OR10G4: variants seen among roughly 807,000 people sequenced by gnomAD.
OR10G4 encodes olfactory receptor 10G4.
For synonymous variants in OR10G4, 130 were observed against 159.3 expected (o/e 0.82, Z 1.39); for missense variants, 318 against 388.8 (o/e 0.82, Z 1.53).
intron 1 of OR10G4, 108 bp from the exon 2 acceptor site, chr11:124,015,440 G>C: frequency 3.7e-6 from 4 of 1,073,364 alleles, no homozygotes; most frequent in Non-Finnish European, 5.4e-6. Flanking sequence ...CAAGCGAAGT[G>C]CAGGATAACT....
In OR10G4 at chr11:124,016,379, G is replaced by A. The variant is rs866856303; in HGVS notation, c.805G>A (p.Gly269Arg). The change falls in exon 2 of 2, where the codon GGA (glycine) becomes AGA (arginine). Residue 269 changes from glycine to arginine, a missense_variant. By Grantham distance (125) the Gly-to-Arg change is moderately radical (BLOSUM62 -2). Coordinates refer to ENST00000641722, the MANE Select transcript of OR10G4 (RefSeq NM_001004462.2). ...GCCAGGCTCCATGGATGCCATGGAT[G>A]GAGTTGTGGCCATTTTCTACACTGT... ...LRPGSMDAMD[G>R]VVAIFYTVLT... The A allele has an allele frequency of 6.2e-7, 1 of 1,614,188 alleles. No individual in the cohort carries two copies. The highest frequency in any genetic ancestry group is 1.7e-5 in the Admixed American group (1 of 60,022).
rs1271429396 is a variant in OR10G4 at position 124,015,532 on chromosome 11, C to A, written c.-27-16C>A. ...TCAATTAAGTGCTAAATGCTGGGTGCTCTTTATATCCCCAGAGGGAGAGAG... is the reference window on the plus strand; with the variant it reads ...TCAATTAAGTGCTAAATGCTGGGTGATCTTTATATCCCCAGAGGGAGAGAG... On this transcript the variant is annotated splice_polypyrimidine_tract_variant and intron_variant, in intron 1 of 1. Transcript: ENST00000641722. 3 of 1,587,526 alleles carry A rather than the reference C, an allele frequency of 1.9e-6. No individual in the cohort carries two copies. The highest frequency in any genetic ancestry group is 1.7e-5 in the Admixed American group (1 of 58,052).
rs1863984923 is a variant in OR10G4, at chr11:124,013,022, A to G, written c.-118A>G. The G allele has an allele frequency of 1.3e-5, 2 of 152,206 alleles. No homozygotes were observed. Among genetic ancestry groups the G allele is most frequent in the Admixed American group, 6.5e-5 (1 of 15,276 alleles). 9.4% of individuals were successfully genotyped at this position (152,206 alleles called of 1,614,324 possible). A position where few individuals can be genotyped will look rare whatever the true frequency, so the allele number is the denominator to read the frequency against. ...CCGGTTGTTTGAGTGATATCTTGCAAACTAGTGCCTATACGTAGTGGGTAG... is the reference window on the plus strand; with the variant it reads ...CCGGTTGTTTGAGTGATATCTTGCAGACTAGTGCCTATACGTAGTGGGTAG... On this transcript the variant is annotated 5_prime_UTR_variant, in exon 1 of 2. Transcript: ENST00000641722.
chr11:124,014,151 G>A (rs1010587018), intron 1 of OR10G4, among the ~76,000 whole-genome samples: 4 of 152,072 alleles, frequency 2.6e-5, no homozygotes, highest in Non-Finnish European at 5.9e-5. Context: ...GGAGGTGGGA[G>A]GTTGTAGGAA....
intron 1 of OR10G4, chr11:124,015,285 A>T: frequency 2.1e-6 from 1 of 477,676 alleles, no homozygotes; most frequent in East Asian, 3.5e-5. Flanking sequence ...AGTTTGTGTT[A>T]TTTTTTAATA....
At chr11:124,014,762 A>G (rs1864000479) in intron 1 of OR10G4, among the ~76,000 whole-genome samples, 1 of 152,168 alleles carries the variant, frequency 6.6e-6, no homozygotes, top group Non-Finnish European at 1.5e-5. Context: ...AAGTTTTCCC[A>G]TGAACTCTGC....
Position 124,017,342 on chromosome 11 carries a change from G to A in OR10G4, c.*832G>A, listed in dbSNP as rs1410703372. 1 of 152,102 alleles carries A rather than the reference G, an allele frequency of 6.6e-6. No homozygotes were observed. Among genetic ancestry groups the A allele is most frequent in the Non-Finnish European group, 1.5e-5 (1 of 68,010 alleles). 9.4% of individuals were successfully genotyped at this position (152,102 alleles called of 1,614,324 possible). ...AAAAATTAAATCTCTTAAATATCTA[G>A]ATTACTTGGGGCTGTTTTGTCTCCT... On this transcript the variant is annotated 3_prime_UTR_variant, in exon 2 of 2. Coordinates refer to ENST00000641722, the MANE Select transcript of OR10G4 (RefSeq NM_001004462.2).
intron 1 of OR10G4, among the ~76,000 whole-genome samples, chr11:124,014,293 A>G (rs1187896502): frequency 6.6e-6 from 1 of 152,218 alleles, no homozygotes; most frequent in Non-Finnish European, 1.5e-5. Context: ...CATAGCTCTT[A>G]GATTAAGGAC....
intron 1 of OR10G4, among the ~76,000 whole-genome samples, chr11:124,014,019 A>G (rs1275433838): frequency 6.6e-6 from 1 of 152,076 alleles, no homozygotes; most frequent in African/African-American, 2.4e-5. Flanking sequence ...GCCCCTATCT[A>G]GTAGATTGTA....
At position 124,018,462 on chromosome 11, in the gene OR10G4, C is replaced by G. The variant is rs935604883; in HGVS notation, c.*1952C>G. ...TGAGAACATGTGGTGTTGGTTTTCTCTTCTTGTGTTACTTTGCTGGAAGAT... is the reference window on the plus strand; with the variant it reads ...TGAGAACATGTGGTGTTGGTTTTCTGTTCTTGTGTTACTTTGCTGGAAGAT... On this transcript the variant is annotated 3_prime_UTR_variant, in exon 2 of 2. Coordinates refer to ENST00000641722, the MANE Select transcript of OR10G4 (RefSeq NM_001004462.2). 6 of 147,948 alleles carry G rather than the reference C, an allele frequency of 4.1e-5. No homozygotes were observed. Among genetic ancestry groups the G allele is most frequent in the Non-Finnish European group, 8.9e-5 (6 of 67,638 alleles). The allele number at this position is 147,948 out of a possible 1,614,324, so 9.2% of individuals were successfully genotyped here.
rs2137555395 is a variant in OR10G4, at chr11:124,018,006, A to G, written c.*1496A>G. 1 of 152,296 alleles carries G rather than the reference A, an allele frequency of 6.6e-6. No individual in the cohort carries two copies. The highest frequency in any genetic ancestry group is 1.9e-4 in the East Asian group (1 of 5,182). 9.4% of individuals were successfully genotyped at this position (152,296 alleles called of 1,614,324 possible). On this transcript the variant is annotated 3_prime_UTR_variant, in exon 2 of 2. Transcript: ENST00000641722. ...AAAGCATGATTGCTTTCTTGAATAA[A>G]TTATTTTGGGGTATCTGGGTATTCA...
chr11:124,013,328 T>G (rs1283352493), intron 1 of OR10G4, among the ~76,000 whole-genome samples: 1 of 152,216 alleles, frequency 6.6e-6, no homozygotes, highest in Non-Finnish European at 1.5e-5. Context: ...TTGTCTTTAC[T>G]GATTGAGACT....
chr11:124,016,626 A>C lies in OR10G4; in HGVS notation c.*116A>C. On this transcript the variant is annotated 3_prime_UTR_variant, in exon 2 of 2. Coordinates refer to ENST00000641722, the MANE Select transcript of OR10G4 (RefSeq NM_001004462.2). The stretch of plus-strand genomic sequence containing the variant: ...TTAAACTTTATTCCAAAACACCTGC[A>C]CAGTTATAATTCTTCCACAGATTGT... 1.6e-6 allele frequency: 1 copy of C among 630,932 alleles called. No homozygotes were observed. The highest frequency in any genetic ancestry group is 2.7e-6 in the Non-Finnish European group (1 of 373,786). The allele number at this position is 630,932 out of a possible 1,614,324, so 39.1% of individuals were successfully genotyped here. A position where few individuals can be genotyped will look rare whatever the true frequency, so the allele number is the denominator to read the frequency against.
chr11:124,014,170 T>C (rs1207919267), intron 1 of OR10G4, among the ~76,000 whole-genome samples: 1 of 152,122 alleles, frequency 6.6e-6, no homozygotes, highest in Non-Finnish European at 1.5e-5. Context: ...AATCCCACTA[T>C]AGAGTTGTGC....
rs1864007332 is a variant in OR10G4, at chr11:124,015,533, T to C, written c.-27-15T>C. Reference sequence around the variant, plus strand: ...CAATTAAGTGCTAAATGCTGGGTGCTCTTTATATCCCCAGAGGGAGAGAGA... The same window carrying C: ...CAATTAAGTGCTAAATGCTGGGTGCCCTTTATATCCCCAGAGGGAGAGAGA... On this transcript the variant is annotated splice_polypyrimidine_tract_variant and intron_variant, in intron 1 of 1. Coordinates refer to ENST00000641722, the MANE Select transcript of OR10G4 (RefSeq NM_001004462.2). The C allele has an allele frequency of 1.3e-6, 2 of 1,590,214 alleles. No homozygotes were observed. Among genetic ancestry groups the C allele is most frequent in the Non-Finnish European group, 8.6e-7 (1 of 1,165,300 alleles).
Position 124,013,247 on chromosome 11 carries a change from G to C in OR10G4, c.-28+135G>C, listed in dbSNP as rs140083380. The C allele has an allele frequency of 5.4e-3, 828 of 152,248 alleles. 11 individuals are homozygous for C. Among genetic ancestry groups the C allele is most frequent in the African/African-American group, 0.019 (804 of 41,548 alleles). The allele number at this position is 152,248 out of a possible 1,614,324, so 9.4% of individuals were successfully genotyped here. A position where few individuals can be genotyped will look rare whatever the true frequency, so the allele number is the denominator to read the frequency against. On this transcript the variant is annotated intron_variant, in intron 1 of 1. Coordinates refer to ENST00000641722, the MANE Select transcript of OR10G4 (RefSeq NM_001004462.2). ...CTAAAATTGATCTAAAATTAATCAA[G>C]GTAGAGTGATGTAATTGAGGTTATA...
intron 1 of OR10G4, among the ~76,000 whole-genome samples, chr11:124,014,652 G>A (rs1226816625): frequency 6.6e-6 from 1 of 152,180 alleles, no homozygotes; most frequent in African/African-American, 2.4e-5. Context: ...CGAGGTGGGT[G>A]ATGTTAGTGA....
rs1864041748 is a variant in OR10G4, at chr11:124,018,716, C to T, written c.*2206C>T. On this transcript the variant is annotated 3_prime_UTR_variant, in exon 2 of 2. Coordinates refer to ENST00000641722, the MANE Select transcript of OR10G4 (RefSeq NM_001004462.2). ...ATTTATAATCCTTTGGGTATATACCCAGTAACGGGATTGCTGGGTCAAATG... is the reference window on the plus strand; with the variant it reads ...ATTTATAATCCTTTGGGTATATACCTAGTAACGGGATTGCTGGGTCAAATG... 6.6e-6 allele frequency: 1 copy of T among 152,134 alleles called. No homozygotes were observed. The highest frequency in any genetic ancestry group is 1.5e-5 in the Non-Finnish European group (1 of 68,026). The allele number at this position is 152,134 out of a possible 1,614,324, so 9.4% of individuals were successfully genotyped here. A position where few individuals can be genotyped will look rare whatever the true frequency, so the allele number is the denominator to read the frequency against.
In OR10G4 at chr11:124,018,364, C is replaced by G. The variant is rs376116106; in HGVS notation, c.*1854C>G. On this transcript the variant is annotated 3_prime_UTR_variant, in exon 2 of 2. Coordinates refer to ENST00000641722, the MANE Select transcript of OR10G4 (RefSeq NM_001004462.2). ...TATCCCTCCCCCAGCCCCCCACCCC[C>G]CAAAAGGCCCCCTTGTGTGATGTTC... is the stretch of plus-strand genomic sequence containing the variant. The G allele has an allele frequency of 1.3e-4, 20 of 149,694 alleles. No individual in the cohort carries two copies. The East Asian group carries it at 2.2e-3, about 16-fold the overall frequency. 9.3% of individuals were successfully genotyped at this position (149,694 alleles called of 1,614,324 possible). A position where few individuals can be genotyped will look rare whatever the true frequency, so the allele number is the denominator to read the frequency against.
Sources: gnomAD v4.1 joint callset for allele counts (sites outside exome capture counted in the v4.1 genomes callset) on GRCh38, gnomAD v4.1.1 for gene constraint, MANE v1.5 for transcripts, NCBI Gene and HGNC (gene_info 2026-07-23, HGNC 2026-07-21) for gene names.